Variants in ZC3H12B observed in about 807,000 individuals in gnomAD.
ZC3H12B encodes probable ribonuclease ZC3H12B.
Under a neutral mutation model 43.9 loss-of-function variants are expected in ZC3H12B, and 7 were observed. That is an observed-to-expected ratio of 0.16 (90% CI 0.09 to 0.30). The LOEUF is 0.30. ZC3H12B is among the 10% of genes least tolerant of loss of function. The pLI, the probability that ZC3H12B is intolerant of heterozygous loss-of-function variation, is 1.00. For synonymous variants in ZC3H12B, 222 were observed against 241.7 expected (o/e 0.92, Z 0.76); for missense variants, 475 against 670.2 (o/e 0.71, Z 3.22).
At chrX:65,334,920 T>C in the ZC3H12B span, among the ~76,000 whole-genome samples, 3 of 111,961 alleles carry the variant, frequency 2.7e-5, no homozygotes, top group Non-Finnish European at 5.6e-5. Flanking sequence ...CCATCCCCCA[T>C]GGGAGTCTTA....
At chrX:65,279,138 C>T in the ZC3H12B span, among the ~76,000 whole-genome samples, 1 of 110,420 alleles carries the variant, frequency 9.1e-6, no homozygotes, top group Non-Finnish European at 1.9e-5. Context: ...TTCTATTCAT[C>T]TGCATATATA....
the ZC3H12B span, among the ~76,000 whole-genome samples, chrX:65,356,126 G>A: frequency 8.9e-6 from 1 of 111,930 alleles, no homozygotes; most frequent in Non-Finnish European, 1.9e-5. Context: ...AGAAGGTGCT[G>A]TGGACACTGG....
At chrX:65,232,074 C>G in the ZC3H12B span, among the ~76,000 whole-genome samples, 1 of 87,586 alleles carries the variant, frequency 1.1e-5, no homozygotes, top group Non-Finnish European at 2.0e-5. Flanking sequence ...TCTCTACTAA[C>G]AATACAAAAA....
chrX:65,471,845 T>G (rs1447229429), intron 3 of ZC3H12B, among the ~76,000 whole-genome samples: 2 of 111,880 alleles, frequency 1.8e-5, no homozygotes, highest in Admixed American at 1.9e-4. Flanking sequence ...TGTGAGGTAC[T>G]GTTCGTCATT....
the ZC3H12B span, among the ~76,000 whole-genome samples, chrX:65,086,981 C>T: frequency 9.1e-6 from 1 of 110,194 alleles, no homozygotes; most frequent in Non-Finnish European, 1.9e-5. Context: ...CATGCCAGAG[C>T]ACCCTGAGCA....
chrX:65,454,639 C>A (rs745530045), intron 3 of ZC3H12B, among the ~76,000 whole-genome samples: 25 of 111,867 alleles, frequency 2.2e-4, no homozygotes, highest in African/African-American at 8.1e-4. Flanking sequence ...TAGTGGTTCT[C>A]CAGCACGCAG....
At chrX:65,080,421 A>G in the ZC3H12B span, among the ~76,000 whole-genome samples, 6 of 111,235 alleles carry the variant, frequency 5.4e-5, no homozygotes, top group African/African-American at 2.0e-4. Flanking sequence ...AGACTACCTC[A>G]AGGTATTTAA....
chrX:65,387,596 T>A (rs1415382338), intron 2 of ZC3H12B, among the ~76,000 whole-genome samples: 1 of 112,211 alleles, frequency 8.9e-6, no homozygotes, highest in East Asian at 2.8e-4. Flanking sequence ...CTTTATCCAA[T>A]TTGGCAGTCT....
At chrX:65,224,458 G>A in the ZC3H12B span, among the ~76,000 whole-genome samples, 1 of 112,670 alleles carries the variant, frequency 8.9e-6, no homozygotes, top group South Asian at 3.6e-4. Context: ...CAGAAGATGT[G>A]TGACTTCTGC....
At chrX:65,120,903 A>G in the ZC3H12B span, among the ~76,000 whole-genome samples, 1 of 111,725 alleles carries the variant, frequency 9.0e-6, no homozygotes, top group East Asian at 2.8e-4. Flanking sequence ...ATTTATTGAG[A>G]TAATCATGTG....
the ZC3H12B span, among the ~76,000 whole-genome samples, chrX:65,117,412 A>AT: frequency 3.6e-5 from 4 of 110,564 alleles, no homozygotes; most frequent in Admixed American, 2.9e-4. Context: ...GGGTTGTTTG[A>AT]TTTTTTCTCA....
chrX:65,224,874 G>A, the ZC3H12B span, among the ~76,000 whole-genome samples: 14,908 of 111,774 alleles, frequency 0.13, 2,394 homozygotes, highest in African/African-American at 0.45. Flanking sequence ...CAGCCGGGAA[G>A]CTCAAACTGG....
At chrX:65,127,683 G>T in the ZC3H12B span, among the ~76,000 whole-genome samples, 2 of 110,816 alleles carry the variant, frequency 1.8e-5, no homozygotes, top group African/African-American at 6.6e-5. Context: ...GCCTCTTCTT[G>T]GGCATGGCTT....
At chrX:65,485,926 C>A (rs1428788920), upstream of ZC3H12B, among the ~76,000 whole-genome samples, 5 of 111,893 alleles carry the variant, frequency 4.5e-5, no homozygotes, top group Admixed American at 3.8e-4. Flanking sequence ...CTATAAGCTC[C>A]TTGAGATCAG....
chrX:65,110,742 A>G, the ZC3H12B span, among the ~76,000 whole-genome samples: 1 of 111,723 alleles, frequency 9.0e-6, no homozygotes, highest in South Asian at 3.6e-4. Context: ...TACATTTTAG[A>G]ATAATCTTGT....
the ZC3H12B span, among the ~76,000 whole-genome samples, chrX:65,130,422 AC>A: frequency 1.8e-5 from 2 of 111,147 alleles, no homozygotes; most frequent in East Asian, 5.7e-4. Context: ...GAAAGTGTCT[AC>A]CTGGACCAAG....
At chrX:65,058,143 A>AG in the ZC3H12B span, among the ~76,000 whole-genome samples, 2 of 111,459 alleles carry the variant, frequency 1.8e-5, no homozygotes, top group Non-Finnish European at 3.8e-5. Flanking sequence ...ATTCCTTTGG[A>AG]GGGGGAGAGG....
the ZC3H12B span, among the ~76,000 whole-genome samples, chrX:65,106,023 C>T: frequency 3.6e-5 from 4 of 111,892 alleles, no homozygotes; most frequent in African/African-American, 1.3e-4. Flanking sequence ...TAAAACAATG[C>T]TAGTGTGACA....
chrX:65,170,189 G>T, the ZC3H12B span, among the ~76,000 whole-genome samples: 2 of 111,679 alleles, frequency 1.8e-5, no homozygotes, highest in African/African-American at 6.5e-5. Flanking sequence ...TCCTTTCCAT[G>T]GTTAGTGCTT....
Sources: allele counts gnomAD v4.1 joint callset (sites outside exome capture counted in the v4.1 genomes callset), GRCh38; gene constraint gnomAD v4.1.1; transcripts MANE v1.5; gene names NCBI Gene and HGNC (gene_info 2026-07-23, HGNC 2026-07-21).